Variants in OPCML observed in about 807,000 individuals in gnomAD.
OPCML encodes opioid-binding protein/cell adhesion molecule.
Under a neutral mutation model 37.8 loss-of-function variants are expected in OPCML, and 13 were observed. The ratio of observed to expected loss-of-function variants is 0.34; its 90% CI spans 0.22 to 0.55. The LOEUF is 0.55. Among genes scored for constraint, OPCML ranks in the 20% least tolerant of loss-of-function variants. The probability of loss-of-function intolerance (pLI) is 0.91; values close to 1 mark genes in which losing one functional copy is unlikely to be tolerated. For missense variants in OPCML, 341 were observed against 435.6 expected, an observed-to-expected ratio of 0.78 and a Z score of 1.93; for synonymous variants, 176 against 168.8, an observed-to-expected ratio of 1.04 and a Z score of -0.33.
chr11:133,026,012 G>A (rs1565404323), intron 1 of OPCML: 1 of 974,030 alleles, frequency 1.0e-6, no homozygotes, highest in Non-Finnish European at 1.2e-6. Context: ...TGGGATTACA[G>A]ACATGAGCCA....
chr11:132,752,796 A>G (rs1265494431), intron 2 of OPCML, among the ~76,000 whole-genome samples: 1 of 152,136 alleles, frequency 6.6e-6, no homozygotes, highest in Non-Finnish European at 1.5e-5. Flanking sequence ...AAGGATAGAT[A>G]GATGATATAT....
At chr11:132,634,309 A>G (rs1940345636) in intron 3 of OPCML, among the ~76,000 whole-genome samples, 1 of 152,216 alleles carries the variant, frequency 6.6e-6, no homozygotes, top group African/African-American at 2.4e-5. Flanking sequence ...GCTATTGAGT[A>G]TGTAAGCAAC....
chr11:133,440,730 G>GA lies in OPCML; in HGVS notation c.61+91533dup, dbSNP rs35655846. On this transcript the variant is annotated intron_variant, in intron 1 of 7. Transcript: ENST00000524381. ...AACAAGAACGAAACTCCCTCTCAGG[G>GA]AAAAAAAAAAAAAAACAGAAACCTA... 2.2e-3 allele frequency among the ~76,000 whole-genome samples: 247 copies of GA among 110,266 alleles called. 3 individuals carry two copies. The highest frequency in any genetic ancestry group is 0.013 in the Middle Eastern group (2 of 158). 72.3% of individuals were successfully genotyped at this position (110,266 alleles called of 152,430 possible). A position where few individuals can be genotyped will look rare whatever the true frequency, so the allele number is the denominator to read the frequency against.
At chr11:132,772,591 C>G (rs753733513) in intron 2 of OPCML, 6 of 152,340 alleles carry the variant, frequency 3.9e-5, no homozygotes, top group Non-Finnish European at 8.8e-5. Flanking sequence ...GGCCTGTGCT[C>G]AGTGGCCTCA....
intron 3 of OPCML, among the ~76,000 whole-genome samples, chr11:132,573,873 T>A (rs979575695): frequency 3.3e-5 from 5 of 152,014 alleles, no homozygotes; most frequent in Admixed American, 3.3e-4. Context: ...TTTTCTTTGT[T>A]GGGAGATTTA....
At chr11:132,806,954 C>T (rs1939050422) in intron 2 of OPCML, among the ~76,000 whole-genome samples, 1 of 151,912 alleles carries the variant, frequency 6.6e-6, no homozygotes, top group Admixed American at 6.6e-5. Context: ...AAGGAGAAGT[C>T]ACAAAAAATG....
chr11:133,508,129 G>C (rs1242814534), intron 1 of OPCML, among the ~76,000 whole-genome samples: 1 of 152,138 alleles, frequency 6.6e-6, no homozygotes, highest in African/African-American at 2.4e-5. Context: ...GTGGTTGTTT[G>C]TAAGCTTCCC....
intron 1 of OPCML, among the ~76,000 whole-genome samples, chr11:133,013,923 G>A (rs77440630): frequency 9.2e-5 from 14 of 152,306 alleles, no homozygotes; most frequent in African/African-American, 1.7e-4. Flanking sequence ...GCAGATGCAC[G>A]ACAGCTCTGT....
chr11:133,069,489 C>T (rs1472780188), intron 1 of OPCML, among the ~76,000 whole-genome samples: 1 of 152,228 alleles, frequency 6.6e-6, no homozygotes. Flanking sequence ...GGTGCAGGGG[C>T]GAGTGGCAAT....
chr11:132,830,926 C>A (rs1170820978), intron 2 of OPCML, among the ~76,000 whole-genome samples: 1 of 152,140 alleles, frequency 6.6e-6, no homozygotes, highest in African/African-American at 2.4e-5. Context: ...AGAAGCAGAA[C>A]TAAATTCAAT....
intron 2 of OPCML, among the ~76,000 whole-genome samples, chr11:132,819,180 C>A (rs984104556): frequency 1.3e-5 from 2 of 151,646 alleles, no homozygotes; most frequent in African/African-American, 4.8e-5. Flanking sequence ...AAAATAATAT[C>A]TGTAGCTTTA....
intron 1 of OPCML, among the ~76,000 whole-genome samples, chr11:132,964,298 A>C (rs11223302): frequency 0.099 from 15,126 of 152,252 alleles, 961 homozygotes; most frequent in African/African-American, 0.16. Flanking sequence ...CCTGGTGTGC[A>C]GTCTTCATGA....
chr11:132,468,683 T>G (rs947911667), intron 4 of OPCML, among the ~76,000 whole-genome samples: 9 of 152,208 alleles, frequency 5.9e-5, no homozygotes, highest in Non-Finnish European at 8.8e-5. Flanking sequence ...TACTTTATTG[T>G]TCTAAACAAG....
At chr11:132,711,434 G>A (rs906350183) in intron 2 of OPCML, among the ~76,000 whole-genome samples, 3 of 152,194 alleles carry the variant, frequency 2.0e-5, no homozygotes, top group Non-Finnish European at 2.9e-5. Context: ...GGATTGGAAC[G>A]TTTTCCAGAA....
intron 1 of OPCML, among the ~76,000 whole-genome samples, chr11:133,505,863 A>G (rs1387403295): frequency 6.6e-6 from 1 of 152,134 alleles, no homozygotes; most frequent in Non-Finnish European, 1.5e-5. Context: ...TTCTGTTTCC[A>G]CACTCCCGGC....
At chr11:133,118,264 G>A in intron 1 of OPCML, 6 of 985,398 alleles carry the variant, frequency 6.1e-6, no homozygotes, top group Non-Finnish European at 7.2e-6. Flanking sequence ...CCTGGGCTTT[G>A]TTCACATCAT....
At chr11:132,580,877 C>CT (rs1178252438) in intron 3 of OPCML, among the ~76,000 whole-genome samples, 2 of 152,082 alleles carry the variant, frequency 1.3e-5, no homozygotes, top group Non-Finnish European at 2.9e-5. Flanking sequence ...TTCCATCCTT[C>CT]TTTTTATTTT....
At chr11:132,881,481 C>G (rs1357522856) in intron 2 of OPCML, among the ~76,000 whole-genome samples, 1 of 152,094 alleles carries the variant, frequency 6.6e-6, no homozygotes, top group African/African-American at 2.4e-5. Flanking sequence ...GACTAGGCTC[C>G]CTGCAGTTGG....
chr11:132,552,167 C>A (rs575193530), intron 3 of OPCML, among the ~76,000 whole-genome samples: 1 of 152,226 alleles, frequency 6.6e-6, no homozygotes, highest in South Asian at 2.1e-4. Flanking sequence ...ATTTCCATTT[C>A]TATGTTCCCA....
Sources: allele counts gnomAD v4.1 joint callset (sites outside exome capture counted in the v4.1 genomes callset), GRCh38; gene constraint gnomAD v4.1.1; transcripts MANE v1.5; gene names NCBI Gene and HGNC (gene_info 2026-07-23, HGNC 2026-07-21).